SLC3A1: variants seen among roughly 807,000 people sequenced by gnomAD.
SLC3A1 encodes amino acid transporter heavy chain SLC3A1.
In SLC3A1, 78 loss-of-function variants were observed where a neutral mutation model predicts 60.3. That is an observed-to-expected ratio of 1.29 (90% CI 1.08 to 1.56). The LOEUF is 1.56. SLC3A1 is among the 40% of genes most tolerant of loss of function. The pLI, the probability that SLC3A1 is intolerant of heterozygous loss-of-function variation, is 0.00. For missense variants in SLC3A1, 1,172 were observed against 858.9 expected, an observed-to-expected ratio of 1.36 and a Z score of -4.56; for synonymous variants, 392 against 307.9, an observed-to-expected ratio of 1.27 and a Z score of -2.86.
At chr2:44,314,109 A>G in intron 9 of SLC3A1, 158 bp downstream of exon 9, 1 of 1,515,278 alleles carries the variant, frequency 6.6e-7, no homozygotes, top group Admixed American at 2.0e-5. Flanking sequence ...GAGTTTGTAA[A>G]TCATGCCTTT....
intron 7 of SLC3A1, 59 bp from the exon 8 acceptor site, chr2:44,312,527 G>T (rs989017347): frequency 6.0e-5 from 94 of 1,565,704 alleles, no homozygotes; most frequent in Non-Finnish European, 7.6e-5. Context: ...TGTGAAATAG[G>T]GTAAATCTTT....
intron 7 of SLC3A1, among the ~76,000 whole-genome samples, chr2:44,307,355 G>A (rs1169999594): frequency 6.6e-6 from 1 of 152,278 alleles, no homozygotes; most frequent in East Asian, 1.9e-4. Flanking sequence ...ATATATCCAG[G>A]AGTGGAATTG....
At chr2:44,289,640 T>C (rs745807577) in intron 4 of SLC3A1, among the ~76,000 whole-genome samples, 4 of 151,998 alleles carry the variant, frequency 2.6e-5, no homozygotes, top group Non-Finnish European at 4.4e-5. Context: ...TTTATTTATT[T>C]GTTTTTTGAG....
At chr2:44,293,670 C>G (rs1368454853) in intron 4 of SLC3A1, among the ~76,000 whole-genome samples, 1 of 152,132 alleles carries the variant, frequency 6.6e-6, no homozygotes, top group East Asian at 1.9e-4. Flanking sequence ...GCAAGAGGGC[C>G]AACTGCAACG....
chr2:44,282,171 C>T (rs762144640), intron 3 of SLC3A1, among the ~76,000 whole-genome samples: 1 of 152,110 alleles, frequency 6.6e-6, no homozygotes, highest in Non-Finnish European at 1.5e-5. Flanking sequence ...CGCTCCTGGC[C>T]CCCTTTGCCT....
intron 9 of SLC3A1, chr2:44,318,048 G>A: frequency 2.4e-6 from 1 of 420,772 alleles, no homozygotes. Context: ...CTAATACTTA[G>A]AAATATTTGC....
Position 44,277,452 on chromosome 2 carries a change from A to G in SLC3A1, c.430+1487A>G, listed in dbSNP as rs573560145. 3.7e-3 allele frequency among the ~76,000 whole-genome samples: 556 copies of G among 152,180 alleles called. 3 individuals carry two copies. The highest frequency in any genetic ancestry group is 0.013 in the African/African-American group (539 of 41,508). ...AATCATCCTGCATTGTCACTCATTG[A>G]AGAAGAGTGTATCTGTCCTTCATGG... On this transcript the variant is annotated intron_variant, in intron 1 of 9. Coordinates refer to ENST00000260649, the MANE Select transcript of SLC3A1 (RefSeq NM_000341.4).
At chr2:44,277,853 A>G (rs1572787900) in intron 1 of SLC3A1, among the ~76,000 whole-genome samples, 1 of 152,066 alleles carries the variant, frequency 6.6e-6, no homozygotes, top group Admixed American at 6.5e-5. Context: ...ACTTCCTGCA[A>G]TCCATAGGCA....
chr2:44,291,640 C>T (rs1671741627), intron 4 of SLC3A1, among the ~76,000 whole-genome samples: 1 of 152,172 alleles, frequency 6.6e-6, no homozygotes, highest in African/African-American at 2.4e-5. Context: ...TGTCACCCTC[C>T]TCCCCACCTT....
At position 44,320,557 on chromosome 2, in the gene SLC3A1, A is replaced by C. The variant is rs1367475597; in HGVS notation, c.1976A>C (p.Gln659Pro). Residue 659 changes from glutamine (Q) to proline (P), a missense_variant, in exon 10 of 10, where the codon CAA becomes CCA. By Grantham distance (76) the Gln-to-Pro change is moderately conservative. Transcript: ENST00000260649. ...AACACGAAGAATCTCCTTCATCGCCAAACAGCTTTCAGAGATAGATGCTTT... is the reference window on the plus strand; with the variant it reads ...AACACGAAGAATCTCCTTCATCGCCCAACAGCTTTCAGAGATAGATGCTTT... Reference protein sequence around the residue: ...EHNTKNLLHRQTAFRDRCFVS... With the variant: ...EHNTKNLLHRPTAFRDRCFVS... 6.2e-7 allele frequency: 1 copy of C among 1,613,962 alleles called. No individual in the cohort carries two copies. Among genetic ancestry groups the C allele is most frequent in the East Asian group, 2.2e-5 (1 of 44,890 alleles).
chr2:44,297,182 T>C (rs1299220135), intron 4 of SLC3A1, among the ~76,000 whole-genome samples: 2 of 152,186 alleles, frequency 1.3e-5, no homozygotes, highest in South Asian at 2.1e-4. Flanking sequence ...TAAAATGATA[T>C]ATACATTCCT....
chr2:44,320,657 T>G lies in SLC3A1; in HGVS notation c.*18T>G, dbSNP rs773806097. ...CGTGTTAGGCACCTTTATGAAGAGATGAAGACACTGGCATTTCAGTGGGAT... is the reference window on the plus strand; with the variant it reads ...CGTGTTAGGCACCTTTATGAAGAGAGGAAGACACTGGCATTTCAGTGGGAT... On this transcript the variant is annotated 3_prime_UTR_variant, in exon 10 of 10. Transcript: ENST00000260649. 1.3e-6 allele frequency: 2 copies of G among 1,588,760 alleles called. No homozygotes were observed. The highest frequency in any genetic ancestry group is 1.3e-5 in the African/African-American group (1 of 74,574).
At chr2:44,321,870 A>G (rs753055312), downstream of SLC3A1, 17 of 1,613,544 alleles carry the variant, frequency 1.1e-5, no homozygotes, top group Non-Finnish European at 1.4e-5. Flanking sequence ...TCCAGGCTGA[A>G]TATCTAGAAT....
intron 4 of SLC3A1, among the ~76,000 whole-genome samples, chr2:44,298,898 C>T (rs1348660257): frequency 1.3e-5 from 2 of 152,124 alleles, no homozygotes; most frequent in African/African-American, 2.4e-5. Context: ...GGGTTTCTAG[C>T]ACACACCTTT....
chr2:44,306,638 C>T (rs1361681862), intron 7 of SLC3A1, among the ~76,000 whole-genome samples: 1 of 145,704 alleles, frequency 6.9e-6, no homozygotes, highest in Non-Finnish European at 1.5e-5. Context: ...ACTTCAACCT[C>T]TGCCTCCTGG....
At position 44,321,228 on chromosome 2, in the gene SLC3A1, A is replaced by T. The variant is rs905940502; in HGVS notation, c.*589A>T. 2.4e-6 allele frequency: 2 copies of T among 820,836 alleles called. No homozygotes were observed. The highest frequency in any genetic ancestry group is 3.5e-5 in the African/African-American group (2 of 57,618). 50.8% of individuals were successfully genotyped at this position (820,836 alleles called of 1,614,324 possible). A position where few individuals can be genotyped will look rare whatever the true frequency, so the allele number is the denominator to read the frequency against. On this transcript the variant is annotated 3_prime_UTR_variant, in exon 10 of 10. Transcript: ENST00000260649. ...TGTAGACTAAGCAAAATTTAGATGG[A>T]GAAGCACATTTTAAAAAATTAATAA...
rs968874051 is a variant in SLC3A1 at position 44,275,771 on chromosome 2, A to G, written c.236A>G (p.Gln79Arg). 6.2e-6 allele frequency: 10 copies of G among 1,614,266 alleles called. No homozygotes were observed. The highest frequency in any genetic ancestry group is 2.7e-5 in the African/African-American group (2 of 75,076). ...PKEVLFQFSG[Q>R]ARYRIPREIL... ...GAGGTGCTGTTCCAGTTCTCTGGCC[A>G]GGCCCGCTACCGCATACCTCGGGAG... The change falls in exon 1 of 10, where the codon CAG (glutamine) becomes CGG (arginine). Residue 79 changes from glutamine to arginine, a missense_variant. Physicochemically the swap from Gln to Arg is conservative, Grantham distance 43 (BLOSUM62 1). Coordinates refer to ENST00000260649, the MANE Select transcript of SLC3A1 (RefSeq NM_000341.4).
chr2:44,313,945 T>A lies in SLC3A1; in HGVS notation c.1611T>A (p.Asn537Lys). 2.5e-6 allele frequency: 4 copies of A among 1,614,102 alleles called. No homozygotes were observed. Among genetic ancestry groups the A allele is most frequent in the Non-Finnish European group, 2.5e-6 (3 of 1,179,978 alleles). The change falls in exon 9 of 10, where the codon AAT becomes AAA. Residue 537 changes from asparagine (N) to lysine (K), a missense_variant. Physicochemically the swap from Asn to Lys is moderately conservative, Grantham distance 94. Coordinates refer to ENST00000260649, the MANE Select transcript of SLC3A1 (RefSeq NM_000341.4). ...CCAATTCAGATTACCACACTGTGAATGTTGATGTAAGTATCAGTGAAAATT... is the reference window on the plus strand; with the variant it reads ...CCAATTCAGATTACCACACTGTGAAAGTTGATGTAAGTATCAGTGAAAATT... ...LPTNSDYHTV[N>K]VDVQKTQPRS...
At position 44,299,939 on chromosome 2, in the gene SLC3A1, T is replaced by C. The variant is rs1472843559; in HGVS notation, c.892-32T>C. ...AACGTTGTGATAATAACGTAGTTAA[T>C]GTAACCAAGCATTTTGCTTCTTCAT... On this transcript the variant is annotated intron_variant, in intron 4 of 9. Coordinates refer to ENST00000260649, the MANE Select transcript of SLC3A1 (RefSeq NM_000341.4). 4 of 1,612,702 alleles carry C rather than the reference T, an allele frequency of 2.5e-6. No individual in the cohort carries two copies. The Admixed American group carries it at 5.0e-5, about 20-fold the overall frequency.
Sources: allele counts gnomAD v4.1 joint callset (sites outside exome capture counted in the v4.1 genomes callset), GRCh38; gene constraint gnomAD v4.1.1; transcripts MANE v1.5; gene names NCBI Gene and HGNC (gene_info 2026-07-23, HGNC 2026-07-21).